Variants in KIAA1217 observed in about 807,000 individuals in gnomAD.
KIAA1217 encodes sickle tail protein homolog.
A neutral mutation model predicts 163.9 loss-of-function variants in KIAA1217; 88 were observed. The observed-to-expected ratio is 0.54, with a 90% CI of 0.45 to 0.64. KIAA1217 has a LOEUF of 0.64. Ranked by LOEUF, KIAA1217 falls within the 30% of genes least tolerant of loss-of-function variation. The pLI is 0.00. For synonymous variants in KIAA1217, 903 were observed against 923.1 expected, an observed-to-expected ratio of 0.98 and a Z score of 0.39; for missense variants, 2,372 against 2,475.0, an observed-to-expected ratio of 0.96 and a Z score of 0.88.
intron 2 of KIAA1217, among the ~76,000 whole-genome samples, chr10:24,298,398 G>T (rs1195965153): frequency 6.6e-6 from 1 of 151,980 alleles, no homozygotes; most frequent in Non-Finnish European, 1.5e-5. Context: ...AGAGGCCTTG[G>T]GTCTGATGGG....
intron 1 of KIAA1217, among the ~76,000 whole-genome samples, chr10:23,829,573 G>T (rs903634956): frequency 5.9e-5 from 9 of 152,058 alleles, no homozygotes; most frequent in African/African-American, 1.9e-4. Context: ...ATAATTTTTT[G>T]CATGACTCAC....
chr10:24,325,124 A>G (rs779010146), intron 2 of KIAA1217, among the ~76,000 whole-genome samples: 9 of 152,242 alleles, frequency 5.9e-5, no homozygotes, highest in Admixed American at 1.3e-4. Flanking sequence ...AACAAGCACT[A>G]TATATACACA....
At chr10:24,261,022 G>A (rs1338102836) in intron 2 of KIAA1217, among the ~76,000 whole-genome samples, 1 of 152,186 alleles carries the variant, frequency 6.6e-6, no homozygotes, top group Non-Finnish European at 1.5e-5. Flanking sequence ...ACAGAGCTAT[G>A]TGAAGTAAAT....
chr10:24,354,112 TTGA>T, intron 2 of KIAA1217, among the ~76,000 whole-genome samples: 1 of 152,322 alleles, frequency 6.6e-6, no homozygotes, highest in Non-Finnish European at 1.5e-5. Context: ...GAACTGCCAA[TTGA>T]TGATGGCCCA....
At chr10:24,043,697 T>C (rs1194321179) in intron 2 of KIAA1217, among the ~76,000 whole-genome samples, 3 of 152,046 alleles carry the variant, frequency 2.0e-5, no homozygotes, top group Non-Finnish European at 4.4e-5. Flanking sequence ...ACATGAAAAA[T>C]TCTTAGAAAA....
chr10:23,739,317 G>A (rs1225671164), intron 1 of KIAA1217, among the ~76,000 whole-genome samples: 1 of 152,146 alleles, frequency 6.6e-6, no homozygotes, highest in Non-Finnish European at 1.5e-5. Context: ...TACACTAAAA[G>A]CCAAGATTTG....
At chr10:24,114,653 A>G (rs566431544) in intron 2 of KIAA1217, among the ~76,000 whole-genome samples, 1 of 152,308 alleles carries the variant, frequency 6.6e-6, no homozygotes, top group East Asian at 1.9e-4. Context: ...GAACATTCTC[A>G]CTCAGTCCCA....
chr10:24,433,201 G>C lies in KIAA1217; in HGVS notation c.752+8G>C. Reference sequence around the variant, plus strand: ...TGAATTAAATGATGTAAGGTAAGTTGTGACATCATTTTTTGCCTGCCATTT... The same window carrying C: ...TGAATTAAATGATGTAAGGTAAGTTCTGACATCATTTTTTGCCTGCCATTT... On this transcript the variant is annotated splice_region_variant and intron_variant, in intron 4 of 20. Coordinates refer to ENST00000376454, the MANE Select transcript of KIAA1217 (RefSeq NM_019590.5). 1 of 1,599,696 alleles carries C rather than the reference G, an allele frequency of 6.3e-7. No homozygotes were observed. The highest frequency in any genetic ancestry group is 1.1e-5 in the South Asian group (1 of 89,768).
At chr10:24,368,490 T>C (rs2051107140) in intron 2 of KIAA1217, among the ~76,000 whole-genome samples, 1 of 152,120 alleles carries the variant, frequency 6.6e-6, no homozygotes, top group Admixed American at 6.5e-5. Flanking sequence ...AATAATTGGA[T>C]ATCTGAAATT....
intron 20 of KIAA1217, chr10:24,545,358 C>G (rs1052794543): frequency 1.5e-6 from 2 of 1,370,488 alleles, no homozygotes; most frequent in African/African-American, 1.5e-5. Flanking sequence ...CGGTGCCAGA[C>G]CAGGTGGCTT....
chr10:23,889,256 T>C (rs1490756634), intron 1 of KIAA1217, among the ~76,000 whole-genome samples: 1 of 151,876 alleles, frequency 6.6e-6, no homozygotes, highest in Non-Finnish European at 1.5e-5. Context: ...GATGGGACCA[T>C]TTTACGCTCC....
intron 1 of KIAA1217, among the ~76,000 whole-genome samples, chr10:23,836,878 G>A (rs537287033): frequency 4.8e-5 from 7 of 144,364 alleles, no homozygotes; most frequent in East Asian, 2.3e-4. Context: ...AGCTGTGATC[G>A]TGTCACTGCA....
chr10:23,899,040 CT>C (rs1301486602), intron 1 of KIAA1217, among the ~76,000 whole-genome samples: 1 of 152,106 alleles, frequency 6.6e-6, no homozygotes, highest in African/African-American at 2.4e-5. Flanking sequence ...TATTTCATAA[CT>C]TATTTATCCA....
At position 23,932,849 on chromosome 10, in the gene KIAA1217, G is replaced by A. The variant is rs113495300; in HGVS notation, c.-320-74376G>A. 5.3e-3 allele frequency among the ~76,000 whole-genome samples: 802 copies of A among 152,230 alleles called. 8 individuals carry two copies. The highest frequency in any genetic ancestry group is 0.019 in the African/African-American group (770 of 41,544). ...ATCCTGGCCTTAAATTCCTACTTGG[G>A]ATAATAATGAAGCAAAAATAAATAA... On this transcript the variant is annotated intron_variant, in intron 1 of 18. Coordinates refer to the KIAA1217 transcript ENST00000376462.
At chr10:24,129,703 A>G (rs1489589690) in intron 2 of KIAA1217, among the ~76,000 whole-genome samples, 1 of 151,910 alleles carries the variant, frequency 6.6e-6, no homozygotes, top group Non-Finnish European at 1.5e-5. Context: ...CAACTAATCT[A>G]TTTCAGTTAC....
intron 1 of KIAA1217, among the ~76,000 whole-genome samples, chr10:23,917,090 T>C (rs912034264): frequency 3.3e-5 from 5 of 152,082 alleles, no homozygotes; most frequent in African/African-American, 9.7e-5. Flanking sequence ...TCAGTTGGAC[T>C]ACGCCAACAT....
intron 2 of KIAA1217, among the ~76,000 whole-genome samples, chr10:24,013,060 C>T (rs1217435810): frequency 6.6e-6 from 1 of 152,142 alleles, no homozygotes. Flanking sequence ...ATTTGAGTCA[C>T]TCAAAGTACA....
In KIAA1217 at chr10:24,454,863, G is replaced by GA. The variant is rs3045779; in HGVS notation, c.846+16397dup. Among the ~76,000 whole-genome samples the GA allele has an allele frequency of 4.8e-3, 691 of 143,880 alleles. 1 individual carries two copies. Among genetic ancestry groups the GA allele is most frequent in the Middle Eastern group, 0.022 (6 of 278 alleles). The allele number at this position is 143,880 out of a possible 152,430, so 94.4% of individuals were successfully genotyped here. On this transcript the variant is annotated intron_variant, in intron 5 of 20. Transcript: ENST00000376454. Reference sequence around the variant, plus strand: ...TTTCTAGCAGCTGTGTAACTGCAAGGAAAAAAAAAAAAATCTGCTCCACTG... The same window carrying GA: ...TTTCTAGCAGCTGTGTAACTGCAAGGAAAAAAAAAAAAAATCTGCTCCACTG...
chr10:23,979,284 A>C (rs566719558), intron 1 of KIAA1217, among the ~76,000 whole-genome samples: 1 of 152,326 alleles, frequency 6.6e-6, no homozygotes, highest in Non-Finnish European at 1.5e-5. Context: ...CGTCCTAAAG[A>C]GGTGACTTCA....
Sources: allele counts gnomAD v4.1 joint callset (sites outside exome capture counted in the v4.1 genomes callset), GRCh38; gene constraint gnomAD v4.1.1; transcripts MANE v1.5; gene names NCBI Gene and HGNC (gene_info 2026-07-23, HGNC 2026-07-21).